The following TENM2 variants were observed in gnomAD, a reference collection of about 807,000 sequenced individuals.
TENM2 encodes teneurin transmembrane protein 2.
A neutral mutation model predicts 245.2 loss-of-function variants in TENM2; 52 were observed. The observed-to-expected ratio is 0.21, with a 90% CI of 0.17 to 0.27. TENM2 has a LOEUF of 0.27. Ranked by LOEUF, TENM2 falls within the 10% of genes least tolerant of loss-of-function variation. TENM2 has a pLI of 1.00. For synonymous variants in TENM2, 1,363 were observed against 1,438.9 expected, an observed-to-expected ratio of 0.95 and a Z score of 1.19; for missense variants, 3,046 against 3,666.8, an observed-to-expected ratio of 0.83 and a Z score of 4.37.
chr5:168,182,767 T>C (rs4976581), intron 13 of TENM2, among the ~76,000 whole-genome samples: 60,680 of 150,308 alleles, frequency 0.4, 15,536 homozygotes, highest in African/African-American at 0.73. Context: ...GAGGAGCACC[T>C]CAGTCCAGAC....
chr5:167,835,866 A>G (rs1428505322), intron 2 of TENM2, among the ~76,000 whole-genome samples: 2 of 152,128 alleles, frequency 1.3e-5, no homozygotes, highest in Non-Finnish European at 1.5e-5. Flanking sequence ...CCCCTTTTTA[A>G]TGGAAACTAG....
At chr5:167,195,763 A>T in the TENM2 span, among the ~76,000 whole-genome samples, 1 of 151,972 alleles carries the variant, frequency 6.6e-6, no homozygotes, top group African/African-American at 2.4e-5. Context: ...ACCTAAGAAG[A>T]AATGACAATC....
chr5:168,034,950 A>T (rs1266331717), intron 5 of TENM2, among the ~76,000 whole-genome samples: 1 of 152,200 alleles, frequency 6.6e-6, no homozygotes, highest in African/African-American at 2.4e-5. Context: ...ATGATATAAA[A>T]TACTTTCATT....
chr5:167,962,982 G>A (rs1351375273), intron 4 of TENM2, among the ~76,000 whole-genome samples: 2 of 152,124 alleles, frequency 1.3e-5, no homozygotes, highest in Non-Finnish European at 2.9e-5. Flanking sequence ...TTAGGTACTG[G>A]CAAGATACTG....
At chr5:167,385,038 T>G (rs959080540) in intron 2 of TENM2, among the ~76,000 whole-genome samples, 3 of 152,192 alleles carry the variant, frequency 2.0e-5, no homozygotes, top group Non-Finnish European at 2.9e-5. Flanking sequence ...AATACAGTAT[T>G]ACAACAATTA....
At chr5:168,161,203 A>C (rs1430980445) in intron 12 of TENM2, among the ~76,000 whole-genome samples, 1 of 152,226 alleles carries the variant, frequency 6.6e-6, no homozygotes, top group Non-Finnish European at 1.5e-5. Flanking sequence ...TTTCAAATCA[A>C]TTACCTCCAT....
At chr5:167,055,298 A>G in the TENM2 span, among the ~76,000 whole-genome samples, 4 of 152,038 alleles carry the variant, frequency 2.6e-5, no homozygotes, top group East Asian at 1.9e-4. Flanking sequence ...CTATCCTACT[A>G]TCCTTGCTCC....
At chr5:167,629,888 GGAGGAGGAGGGGGGAAAGAGGAGGAA>G (rs1478312688) in intron 2 of TENM2, among the ~76,000 whole-genome samples, 1 of 151,846 alleles carries the variant, frequency 6.6e-6, no homozygotes, top group Admixed American at 6.6e-5. Context: ...AGGAGAAGGA[GGAGGAGGAGGGGGGAAAGAGGAGGAA>G]GAGGAGGAGA....
intron 2 of TENM2, among the ~76,000 whole-genome samples, chr5:167,588,815 GCTTT>G (rs1462130880): frequency 4.6e-5 from 7 of 152,146 alleles, no homozygotes; most frequent in Non-Finnish European, 7.4e-5. Context: ...GTGGAATGTG[GCTTT>G]CTGTTTTTCA....
intron 1 of TENM2, among the ~76,000 whole-genome samples, chr5:167,325,998 A>C (rs1327617001): frequency 6.6e-6 from 1 of 152,228 alleles, no homozygotes; most frequent in East Asian, 1.9e-4. Flanking sequence ...CCTGTCTGAA[A>C]AGATCTCTCT....
chr5:167,240,050 T>C, the TENM2 span, among the ~76,000 whole-genome samples: 62 of 152,230 alleles, frequency 4.1e-4, no homozygotes, highest in African/African-American at 1.4e-3. Flanking sequence ...CTGGGATTAC[T>C]GGCGTGAGCC....
the TENM2 span, among the ~76,000 whole-genome samples, chr5:167,257,455 G>T: frequency 6.6e-6 from 1 of 151,890 alleles, no homozygotes; most frequent in East Asian, 1.9e-4. Context: ...AAATCTTTGG[G>T]TATATCCTAA....
At chr5:168,127,387 G>T (rs1014150600) in intron 12 of TENM2, among the ~76,000 whole-genome samples, 1 of 152,088 alleles carries the variant, frequency 6.6e-6, no homozygotes, top group Non-Finnish European at 1.5e-5. Flanking sequence ...CAGGTTAGAC[G>T]CAGGCAGGAC....
chr5:167,900,129 A>AAAG (rs1775572719), intron 3 of TENM2, among the ~76,000 whole-genome samples: 1 of 119,340 alleles, frequency 8.4e-6, no homozygotes, highest in African/African-American at 3.4e-5. Flanking sequence ...AAAAAAAAAA[A>AAAG]AAAAGGGGGG....
intron 4 of TENM2, among the ~76,000 whole-genome samples, chr5:167,990,880 A>G (rs994905157): frequency 6.6e-6 from 1 of 152,232 alleles, no homozygotes; most frequent in African/African-American, 2.4e-5. Flanking sequence ...AATATTTGTA[A>G]TGATAGCAAT....
At chr5:167,421,764 A>G (rs928479729) in intron 2 of TENM2, among the ~76,000 whole-genome samples, 6 of 152,142 alleles carry the variant, frequency 3.9e-5, no homozygotes, top group Admixed American at 2.6e-4. Flanking sequence ...AAAATTCCTT[A>G]TCACACTATT....
chr5:168,054,536 C>G (rs1250977414), intron 6 of TENM2, among the ~76,000 whole-genome samples: 5 of 152,186 alleles, frequency 3.3e-5, no homozygotes, highest in African/African-American at 1.2e-4. Flanking sequence ...TGAGGTGCCT[C>G]CAGAGTTCGG....
intron 2 of TENM2, among the ~76,000 whole-genome samples, chr5:167,794,879 G>A (rs1289814471): frequency 6.6e-6 from 1 of 152,212 alleles, no homozygotes; most frequent in African/African-American, 2.4e-5. Flanking sequence ...GTAATGTGCT[G>A]ATATTAATTT....
chr5:168,124,449 T>C (rs1334185859), intron 10 of TENM2, among the ~76,000 whole-genome samples: 1 of 152,224 alleles, frequency 6.6e-6, no homozygotes, highest in East Asian at 1.9e-4. Context: ...GGCAATCCAG[T>C]TTGACGACAC....
Sources: allele counts gnomAD v4.1 joint callset (sites outside exome capture counted in the v4.1 genomes callset), GRCh38; gene constraint gnomAD v4.1.1; transcripts MANE v1.5; gene names NCBI Gene and HGNC (gene_info 2026-07-23, HGNC 2026-07-21).